Variants in TAS2R1 observed in about 807,000 individuals in gnomAD.
TAS2R1 encodes taste receptor type 2 member 1.
For synonymous variants in TAS2R1, 141 were observed against 134.2 expected, an observed-to-expected ratio of 1.05 and a Z score of -0.35; for missense variants, 370 against 353.4, an observed-to-expected ratio of 1.05 and a Z score of -0.38.
chr5:9,880,818 T>C, the TAS2R1 span, among the ~76,000 whole-genome samples: 1 of 152,094 alleles, frequency 6.6e-6, no homozygotes, highest in Non-Finnish European at 1.5e-5. Flanking sequence ...TAAGGCAGAA[T>C]TGTAGACAAG....
chr5:9,870,826 C>T, the TAS2R1 span, among the ~76,000 whole-genome samples: 1 of 152,048 alleles, frequency 6.6e-6, no homozygotes, highest in Non-Finnish European at 1.5e-5. Flanking sequence ...ATCAAATGCA[C>T]ACTGCAGGGA....
At chr5:9,847,312 A>G in the TAS2R1 span, among the ~76,000 whole-genome samples, 5 of 152,138 alleles carry the variant, frequency 3.3e-5, no homozygotes, top group Admixed American at 3.3e-4. Flanking sequence ...TCTATTTTAG[A>G]TCCTTTTTTA....
the TAS2R1 span, among the ~76,000 whole-genome samples, chr5:9,833,596 A>G: frequency 6.6e-6 from 1 of 152,216 alleles, no homozygotes; most frequent in Admixed American, 6.5e-5. Context: ...GGACACATTG[A>G]TGGTATCAAA....
intron 1 of TAS2R1, among the ~76,000 whole-genome samples, chr5:9,689,470 C>T (rs1741192906): frequency 2.0e-5 from 3 of 152,142 alleles, no homozygotes; most frequent in Admixed American, 2.0e-4. Flanking sequence ...GCTCGGGATT[C>T]AGAGCTATGG....
chr5:9,664,341 C>G (rs1397317773), intron 1 of TAS2R1, among the ~76,000 whole-genome samples: 1 of 152,126 alleles, frequency 6.6e-6, no homozygotes, highest in Non-Finnish European at 1.5e-5. Flanking sequence ...ATCGTGTTTC[C>G]TTTAGGTGCT....
chr5:9,746,663 G>A, the TAS2R1 span, among the ~76,000 whole-genome samples: 2 of 152,124 alleles, frequency 1.3e-5, no homozygotes, highest in Middle Eastern at 3.2e-3. Context: ...AACTAACACA[G>A]TAACAGAAAA....
chr5:9,873,788 G>C, the TAS2R1 span, among the ~76,000 whole-genome samples: 1 of 150,342 alleles, frequency 6.7e-6, no homozygotes, highest in Non-Finnish European at 1.5e-5. Flanking sequence ...AGAATTGCTT[G>C]AACCCTGGAG....
upstream of TAS2R1, among the ~76,000 whole-genome samples, chr5:9,712,798 G>A (rs1579796580): frequency 6.6e-6 from 1 of 152,270 alleles, no homozygotes; most frequent in African/African-American, 2.4e-5. Context: ...ATGTATGAAA[G>A]GAATGTGGGA....
At chr5:9,758,090 T>C in the TAS2R1 span, among the ~76,000 whole-genome samples, 1 of 152,144 alleles carries the variant, frequency 6.6e-6, no homozygotes, top group African/African-American at 2.4e-5. Flanking sequence ...ATTTTTAAAG[T>C]ATAGCACATT....
At chr5:9,886,500 T>G in the TAS2R1 span, among the ~76,000 whole-genome samples, 1 of 151,272 alleles carries the variant, frequency 6.6e-6, no homozygotes, top group Non-Finnish European at 1.5e-5. Flanking sequence ...CCCAGATAAT[T>G]TTTTTGTATT....
At chr5:9,672,473 G>T (rs1223426339) in intron 1 of TAS2R1, among the ~76,000 whole-genome samples, 2 of 151,932 alleles carry the variant, frequency 1.3e-5, no homozygotes, top group Non-Finnish European at 1.5e-5. Flanking sequence ...AGTGGGCAAG[G>T]ACATAAACAG....
At chr5:9,698,707 G>T (rs1486765478) in intron 1 of TAS2R1, among the ~76,000 whole-genome samples, 2 of 152,100 alleles carry the variant, frequency 1.3e-5, no homozygotes, top group Non-Finnish European at 2.9e-5. Flanking sequence ...CTCTATAAAG[G>T]CAGAGTGTCC....
intron 2 of TAS2R1, among the ~76,000 whole-genome samples, chr5:9,651,835 A>AAGC (rs767102983): frequency 3.9e-5 from 6 of 152,094 alleles, no homozygotes; most frequent in Non-Finnish European, 5.9e-5. Context: ...CTTCAGTGCC[A>AAGC]AGCATCTGAG....
At chr5:9,808,712 GA>G in the TAS2R1 span, among the ~76,000 whole-genome samples, 11 of 152,066 alleles carry the variant, frequency 7.2e-5, no homozygotes, top group African/African-American at 2.7e-4. Context: ...TTCCTCAGAG[GA>G]AAAAATAGGA....
intron 2 of TAS2R1, among the ~76,000 whole-genome samples, chr5:9,645,372 T>C (rs1363331601): frequency 2.0e-5 from 3 of 152,196 alleles, no homozygotes; most frequent in Non-Finnish European, 4.4e-5. Context: ...ATGCTATGCG[T>C]GCATTTAGCC....
chr5:9,833,989 C>T, the TAS2R1 span, among the ~76,000 whole-genome samples: 1 of 152,190 alleles, frequency 6.6e-6, no homozygotes, highest in African/African-American at 2.4e-5. Context: ...TGTAAGCAGG[C>T]GATTCCTGTC....
chr5:9,663,959 T>C (rs1362600446), intron 1 of TAS2R1, among the ~76,000 whole-genome samples: 1 of 152,184 alleles, frequency 6.6e-6, no homozygotes, highest in Non-Finnish European at 1.5e-5. Flanking sequence ...GGCAGAGGCA[T>C]GGAAAAGATT....
At chr5:9,653,693 A>G (rs1740353560) in intron 2 of TAS2R1, among the ~76,000 whole-genome samples, 1 of 152,074 alleles carries the variant, frequency 6.6e-6, no homozygotes, top group African/African-American at 2.4e-5. Context: ...TTCTGTTTGG[A>G]TTTCCTAGGA....
Position 9,627,492 on chromosome 5 carries a change from C to T in TAS2R1, c.*1641G>A, listed in dbSNP as rs116198325. Among the ~76,000 whole-genome samples the T allele has an allele frequency of 6.6e-6, 1 of 151,358 alleles. No homozygotes were observed. The highest frequency in any genetic ancestry group is 2.4e-5 in the African/African-American group (1 of 41,300). ...ATGAAATAGAATCAGAATTTAGTATCAGAAAAAAAAACACATGAGAGTTGT... is the reference window on the plus strand; with the variant it reads ...ATGAAATAGAATCAGAATTTAGTATTAGAAAAAAAAACACATGAGAGTTGT... On this transcript the variant is annotated 3_prime_UTR_variant, in exon 1 of 1. Coordinates refer to ENST00000382492, the MANE Select transcript of TAS2R1 (RefSeq NM_019599.3).
Sources: gnomAD v4.1 joint callset for allele counts (sites outside exome capture counted in the v4.1 genomes callset) on GRCh38, gnomAD v4.1.1 for gene constraint, MANE v1.5 for transcripts, NCBI Gene and HGNC (gene_info 2026-07-23, HGNC 2026-07-21) for gene names.